Variants in CERT1 observed in about 807,000 individuals in gnomAD.
CERT1 encodes ceramide transporter 1, also known as ceramide transfer protein.
In CERT1, 31 loss-of-function variants were observed where a neutral mutation model predicts 87.9. That is an observed-to-expected ratio of 0.35 (90% confidence interval 0.27 to 0.48). The LOEUF (loss-of-function observed/expected upper bound fraction) is 0.48, where lower values mean the gene tolerates loss of function less well. CERT1 is among the 20% of genes least tolerant of loss of function. CERT1 has a pLI of 0.99. For missense variants in CERT1, 487 were observed against 758.0 expected, an observed-to-expected ratio of 0.64 and a Z score of 4.20; for synonymous variants, 289 against 250.9, an observed-to-expected ratio of 1.15 and a Z score of -1.44.
At chr5:75,483,596 CT>C (rs1345660858) in intron 2 of CERT1, among the ~76,000 whole-genome samples, 1 of 151,868 alleles carries the variant, frequency 6.6e-6, no homozygotes, top group South Asian at 2.1e-4. Context: ...CATAAAGATC[CT>C]AAAAGTAGCA....
intron 2 of CERT1, among the ~76,000 whole-genome samples, chr5:75,488,973 G>C (rs964809017): frequency 1.3e-5 from 2 of 152,032 alleles, no homozygotes. Context: ...AAAGCTGGAG[G>C]CATCATGCTA....
intron 2 of CERT1, among the ~76,000 whole-genome samples, chr5:75,482,661 C>T (rs1370957921): frequency 6.6e-6 from 1 of 152,158 alleles, no homozygotes; most frequent in East Asian, 1.9e-4. Flanking sequence ...CACCTTTACC[C>T]CAGCTCCAGG....
intron 14 of CERT1, among the ~76,000 whole-genome samples, chr5:75,384,355 A>G (rs1056087659): frequency 2.0e-5 from 3 of 152,192 alleles, no homozygotes; most frequent in Non-Finnish European, 2.9e-5. Context: ...GAAATACAGC[A>G]AGACCCTGTC....
chr5:75,374,750 C>A, downstream of CERT1: 2 of 565,392 alleles, frequency 3.5e-6, no homozygotes, highest in Non-Finnish European at 6.8e-6. Flanking sequence ...GGATCGAACA[C>A]CTCCACCCCA....
At chr5:75,369,017 A>G (rs1760991532) in intron 17 of CERT1, 1 of 152,118 alleles carries the variant, frequency 6.6e-6, no homozygotes, top group African/African-American at 2.4e-5. Context: ...GGATCAAGCA[A>G]TTCTCCTGAC....
chr5:75,480,038 T>C (rs1766159442), intron 2 of CERT1, among the ~76,000 whole-genome samples: 1 of 152,142 alleles, frequency 6.6e-6, no homozygotes, highest in African/African-American at 2.4e-5. Flanking sequence ...ATATATTCCA[T>C]GGACCTTACC....
At position 75,425,248 on chromosome 5, in the gene CERT1, AG is replaced by A. The variant is rs1354866349; in HGVS notation, c.595+112del. The A allele has an allele frequency of 4.9e-6, 5 of 1,011,530 alleles. No individual in the cohort carries two copies. The East Asian group carries it at 1.2e-4, about 25-fold the overall frequency. 62.7% of individuals were successfully genotyped at this position (1,011,530 alleles called of 1,614,324 possible). On this transcript the variant is annotated intron_variant, in intron 5 of 16. Coordinates refer to ENST00000643780, the MANE Select transcript of CERT1 (RefSeq NM_001379029.1). ...GAAATCTGTTTCACTGGGGGTTTGC[AG>A]CAAAAAATGACTATAAACACCTTTA...
chr5:75,388,599 C>T (rs867726280), intron 12 of CERT1, among the ~76,000 whole-genome samples: 5 of 91,830 alleles, frequency 5.4e-5, no homozygotes, highest in Non-Finnish European at 9.7e-5. Flanking sequence ...AGCATGCATG[C>T]ATATATATAT....
At chr5:75,435,902 G>C (rs1764075899) in intron 3 of CERT1, among the ~76,000 whole-genome samples, 1 of 152,138 alleles carries the variant, frequency 6.6e-6, no homozygotes. Context: ...ATGCACAGGT[G>C]GGGCAGTGGG....
At chr5:75,436,773 A>G (rs1415722783) in intron 3 of CERT1, among the ~76,000 whole-genome samples, 2 of 151,964 alleles carry the variant, frequency 1.3e-5, no homozygotes, top group Non-Finnish European at 2.9e-5. Flanking sequence ...GTTTGAATAT[A>G]TATGTTTTTT....
At chr5:75,502,867 T>A (rs1286171508) in intron 2 of CERT1, among the ~76,000 whole-genome samples, 2 of 152,076 alleles carry the variant, frequency 1.3e-5, no homozygotes, top group Non-Finnish European at 2.9e-5. Context: ...ATGCGGCAAA[T>A]TTTGTAGCAG....
In CERT1 at chr5:75,378,797, C is replaced by T. The variant is rs940215379; in HGVS notation, c.*549G>A. ...ACAGGAAGTTTGCACTTCTACAATT[C>T]TACAGTTCTATAATATCAAAATTTC... On this transcript the variant is annotated 3_prime_UTR_variant, in exon 17 of 17. Transcript: ENST00000643780. 4.6e-5 allele frequency: 7 copies of T among 152,172 alleles called. No homozygotes were observed. The highest frequency in any genetic ancestry group is 3.9e-4 in the Admixed American group (6 of 15,274). 9.4% of individuals were successfully genotyped at this position (152,172 alleles called of 1,614,324 possible).
chr5:75,382,505 T>C (rs919796580), intron 14 of CERT1, among the ~76,000 whole-genome samples: 2 of 151,892 alleles, frequency 1.3e-5, no homozygotes, highest in African/African-American at 4.8e-5. Flanking sequence ...AAAGATTTAA[T>C]GAAAAAAGAC....
At chr5:75,430,242 A>C (rs1045387545) in intron 3 of CERT1, among the ~76,000 whole-genome samples, 9 of 152,228 alleles carry the variant, frequency 5.9e-5, no homozygotes, top group Non-Finnish European at 1.3e-4. Flanking sequence ...CATTCTATCT[A>C]TAAAAAGTAC....
intron 15 of CERT1, 116 bp from the exon 16 acceptor site, chr5:75,381,317 T>C (rs1172343761): frequency 4.3e-6 from 5 of 1,166,200 alleles, no homozygotes; most frequent in Non-Finnish European, 6.2e-6. Context: ...TCCAGTGAAA[T>C]CTTATAAGCA....
intron 3 of CERT1, among the ~76,000 whole-genome samples, chr5:75,442,424 T>C (rs929937583): frequency 6.6e-6 from 1 of 152,168 alleles, no homozygotes; most frequent in Admixed American, 6.5e-5. Context: ...TCTCATTATG[T>C]TGCCCAGTCT....
At chr5:75,383,908 T>C (rs932038248) in intron 14 of CERT1, among the ~76,000 whole-genome samples, 18 of 152,184 alleles carry the variant, frequency 1.2e-4, no homozygotes, top group Non-Finnish European at 2.6e-4. Flanking sequence ...GAACTATTGA[T>C]TCTATAATTT....
intron 11 of CERT1, 78 bp from the exon 12 acceptor site, chr5:75,389,765 T>C (rs1358444509): frequency 9.1e-6 from 10 of 1,104,832 alleles, no homozygotes; most frequent in African/African-American, 7.7e-5. Flanking sequence ...TTCAGTTAAC[T>C]TCAGTTCAGA....
At chr5:75,471,340 G>A (rs1211680871) in intron 2 of CERT1, among the ~76,000 whole-genome samples, 1 of 152,092 alleles carries the variant, frequency 6.6e-6, no homozygotes, top group Admixed American at 6.5e-5. Flanking sequence ...TTATACAAGG[G>A]TAACTATTTG....
Sources: gnomAD v4.1 joint callset for allele counts (sites outside exome capture counted in the v4.1 genomes callset) on GRCh38, gnomAD v4.1.1 for gene constraint, MANE v1.5 for transcripts, NCBI Gene and HGNC (gene_info 2026-07-23, HGNC 2026-07-21) for gene names.